Variants in MGAT5 observed in about 807,000 individuals in gnomAD.
The protein encoded by MGAT5 is alpha-1,6-mannosylglycoprotein 6-beta-N-acetylglucosaminyltransferase A.
Under a neutral mutation model 94.3 loss-of-function variants are expected in MGAT5, and 30 were observed. The observed-to-expected ratio is 0.32, with a 90% CI of 0.24 to 0.43. The LOEUF (loss-of-function observed/expected upper bound fraction) is 0.43, where lower values mean the gene tolerates loss of function less well. Ranked by LOEUF, MGAT5 falls within the 20% of genes least tolerant of loss-of-function variation. The pLI is 1.00. For missense variants in MGAT5, 691 were observed against 905.5 expected (o/e 0.76, Z 3.04); for synonymous variants, 310 against 322.9 (o/e 0.96, Z 0.43).
chr2:134,428,849 C>A (rs1684730307), intron 14 of MGAT5, among the ~76,000 whole-genome samples: 1 of 152,170 alleles, frequency 6.6e-6, no homozygotes, highest in South Asian at 2.1e-4. Context: ...TAGAGGTTTT[C>A]AGACATCTTC....
At chr2:134,184,975 G>A (rs1254262510) in intron 1 of MGAT5, among the ~76,000 whole-genome samples, 1 of 152,128 alleles carries the variant, frequency 6.6e-6, no homozygotes, top group East Asian at 1.9e-4. Context: ...TTTTAGTGGT[G>A]ACTTCTGAGA....
At chr2:134,357,174 C>A (rs1467805959) in intron 9 of MGAT5, among the ~76,000 whole-genome samples, 2 of 152,130 alleles carry the variant, frequency 1.3e-5, no homozygotes, top group Admixed American at 6.5e-5. Context: ...TGTTTTTAAT[C>A]CATGCAACAA....
At chr2:134,259,753 G>A (rs565719066) in intron 1 of MGAT5, among the ~76,000 whole-genome samples, 1 of 152,148 alleles carries the variant, frequency 6.6e-6, no homozygotes, top group Non-Finnish European at 1.5e-5. Flanking sequence ...GGTCCTTCAG[G>A]AAATGTCTGT....
intron 10 of MGAT5, among the ~76,000 whole-genome samples, chr2:134,370,460 A>G (rs1480591237): frequency 6.6e-6 from 1 of 152,272 alleles, no homozygotes; most frequent in Non-Finnish European, 1.5e-5. Context: ...ATGTGATCAT[A>G]GCCATTTGTT....
At chr2:134,387,325 TATATA>T (rs1445731330) in intron 10 of MGAT5, among the ~76,000 whole-genome samples, 21 of 44,826 alleles carry the variant, frequency 4.7e-4, no homozygotes, top group East Asian at 1.2e-3. Context: ...TATATATATA[TATATA>T]TATTTTTTTT....
rs558365701 is a variant in MGAT5 at position 134,181,401 on chromosome 2, TC to T, written c.-143+61111del. Among the ~76,000 whole-genome samples, 430 of 152,320 alleles carry T rather than the reference TC, an allele frequency of 2.8e-3. 4 individuals carry two copies. The highest frequency in any genetic ancestry group is 0.01 in the African/African-American group (417 of 41,558). ...GAGCTTTTGTGCCTAAACTTGTTTT[TC>T]TTGTGTGGTTGGGAGGTTTTTGTTG... On this transcript the variant is annotated intron_variant, in intron 1 of 16. Coordinates refer to the MGAT5 transcript ENST00000409645.
chr2:134,333,254 A>G (rs1350987021), intron 4 of MGAT5, among the ~76,000 whole-genome samples: 1 of 152,110 alleles, frequency 6.6e-6, no homozygotes, highest in African/African-American at 2.4e-5. Context: ...CTATGCAGCC[A>G]TAAAAAATGA....
At chr2:134,298,254 C>T (rs1227027635) in intron 2 of MGAT5, among the ~76,000 whole-genome samples, 1 of 152,060 alleles carries the variant, frequency 6.6e-6, no homozygotes, top group Non-Finnish European at 1.5e-5. Context: ...TGCTACCATA[C>T]CTGGCTCATT....
intron 2 of MGAT5, among the ~76,000 whole-genome samples, chr2:134,277,885 C>T (rs1410784011): frequency 6.6e-6 from 1 of 152,152 alleles, no homozygotes; most frequent in African/African-American, 2.4e-5. Flanking sequence ...CCAAATTGAT[C>T]TTTTTGTGCC....
chr2:134,369,784 A>T (rs1285474381), intron 10 of MGAT5, among the ~76,000 whole-genome samples: 1 of 145,976 alleles, frequency 6.9e-6, no homozygotes, highest in Non-Finnish European at 1.5e-5. Flanking sequence ...GTGTTCCCAT[A>T]AAGTCTAGAA....
At chr2:134,333,637 T>G (rs2105967423) in intron 4 of MGAT5, among the ~76,000 whole-genome samples, 1 of 152,018 alleles carries the variant, frequency 6.6e-6, no homozygotes, top group South Asian at 2.1e-4. Context: ...GGGGTCCAGC[T>G]TTATTGGTAG....
intron 1 of MGAT5, among the ~76,000 whole-genome samples, chr2:134,149,633 C>T (rs965913371): frequency 3.9e-5 from 6 of 152,268 alleles, no homozygotes; most frequent in African/African-American, 1.4e-4. Context: ...TATAGACCCA[C>T]ATCTGTGCAT....
chr2:134,227,452 G>A (rs1681121104), intron 1 of MGAT5, among the ~76,000 whole-genome samples: 1 of 152,178 alleles, frequency 6.6e-6, no homozygotes, highest in Admixed American at 6.5e-5. Context: ...CTGGCAGGTA[G>A]GACTTGACTT....
intron 1 of MGAT5, 89 bp from the exon 2 acceptor site, chr2:134,270,297 A>G (rs948085366): frequency 1.6e-6 from 2 of 1,260,684 alleles, no homozygotes; most frequent in East Asian, 4.7e-5. Flanking sequence ...ACATTTGAGA[A>G]GTTTTGTTCT....
intron 10 of MGAT5, among the ~76,000 whole-genome samples, chr2:134,369,154 G>A (rs1036470124): frequency 6.6e-6 from 1 of 152,194 alleles, no homozygotes; most frequent in African/African-American, 2.4e-5. Flanking sequence ...ATGACTGAAT[G>A]AATCTCCCCT....
In MGAT5 at chr2:134,428,402, G is replaced by C; in HGVS notation, c.1832G>C (p.Gly611Ala). ...PYMPYEFTCEGMLQRINAFIE... is the reference protein window; with the variant it reads ...PYMPYEFTCEAMLQRINAFIE... ...ATGCCATATGAATTTACGTGCGAGG[G>C]GATGCTACAGAGAATCAATGCTTTC... The change falls in exon 14 of 16, where the codon GGG becomes GCG. Residue 611 changes from glycine (G) to alanine (A), a missense_variant. Coordinates refer to ENST00000281923, the MANE Select transcript of MGAT5 (RefSeq NM_002410.5). The C allele has an allele frequency of 6.2e-7, 1 of 1,614,092 alleles. No homozygotes were observed.
intron 10 of MGAT5, among the ~76,000 whole-genome samples, chr2:134,399,900 T>C (rs1002212256): frequency 6.6e-6 from 1 of 152,158 alleles, no homozygotes. Flanking sequence ...TTTTGAGCCT[T>C]CCCATGTGTA....
intron 1 of MGAT5, among the ~76,000 whole-genome samples, chr2:134,130,617 CT>C (rs1686106824): frequency 6.6e-6 from 1 of 152,036 alleles, no homozygotes; most frequent in African/African-American, 2.4e-5. Flanking sequence ...ACTTGGAGAA[CT>C]TTTATGTCTA....
intron 10 of MGAT5, among the ~76,000 whole-genome samples, chr2:134,386,785 G>A (rs1682006902): frequency 3.3e-5 from 5 of 152,166 alleles, no homozygotes; most frequent in Admixed American, 3.3e-4. Context: ...GTGAGATTCT[G>A]TTCATAAGGA....
Sources: allele counts gnomAD v4.1 joint callset (sites outside exome capture counted in the v4.1 genomes callset), GRCh38; gene constraint gnomAD v4.1.1; transcripts MANE v1.5; gene names NCBI Gene and HGNC (gene_info 2026-07-23, HGNC 2026-07-21).